TMEM117: variants seen among roughly 807,000 people sequenced by gnomAD.
The protein encoded by TMEM117 is transmembrane protein 117.
In TMEM117, 27 loss-of-function variants were observed where a neutral mutation model predicts 52.4. The ratio of observed to expected loss-of-function variants is 0.51; its 90% CI spans 0.38 to 0.71. The LOEUF (loss-of-function observed/expected upper bound fraction) is 0.71. Ranked by LOEUF, TMEM117 falls within the 30% of genes least tolerant of loss-of-function variation. The pLI is 0.00. For synonymous variants in TMEM117, 215 were observed against 206.3 expected (o/e 1.04, Z -0.36); for missense variants, 556 against 630.5 (o/e 0.88, Z 1.26).
intron 2 of TMEM117, among the ~76,000 whole-genome samples, chr12:43,897,630 C>T (rs1399821343): frequency 2.0e-5 from 3 of 151,884 alleles, no homozygotes; most frequent in Non-Finnish European, 4.4e-5. Flanking sequence ...TTTTTAGAGA[C>T]AGAGTCTTGC....
the TMEM117 span, chr12:43,804,636 T>C: frequency 1.5e-5 from 17 of 1,141,868 alleles, no homozygotes; most frequent in African/African-American, 3.2e-5. Flanking sequence ...CCTATCTATA[T>C]TGGAAAAGTT....
At chr12:43,929,439 C>T (rs960689372) in intron 2 of TMEM117, among the ~76,000 whole-genome samples, 6 of 152,034 alleles carry the variant, frequency 3.9e-5, no homozygotes, top group Admixed American at 6.6e-5. Flanking sequence ...TTCCAAGAAC[C>T]TTATAGCACT....
chr12:44,165,561 C>T (rs1948954967), intron 4 of TMEM117, among the ~76,000 whole-genome samples: 1 of 152,118 alleles, frequency 6.6e-6, no homozygotes, highest in Non-Finnish European at 1.5e-5. Context: ...GAAAACTAAA[C>T]ACTGACGGGA....
intron 1 of TMEM117, 62 bp from the exon 2 acceptor site, chr12:43,844,562 T>TA (rs1296238516): frequency 4.8e-5 from 68 of 1,414,862 alleles, no homozygotes; most frequent in Non-Finnish European, 1.2e-5. Flanking sequence ...CCTGAACTGA[T>TA]AAAAAGAAGA....
intron 3 of TMEM117, among the ~76,000 whole-genome samples, chr12:43,950,475 G>A (rs570093787): frequency 4.6e-5 from 7 of 151,950 alleles, no homozygotes; most frequent in Middle Eastern, 3.4e-3. Context: ...AATGACTGAA[G>A]TTTCATACTC....
intron 6 of TMEM117, among the ~76,000 whole-genome samples, chr12:44,317,460 T>C (rs2138689469): frequency 6.6e-6 from 1 of 152,154 alleles, no homozygotes; most frequent in Non-Finnish European, 1.5e-5. Context: ...AATGGCGCAA[T>C]CTCAGCTTAC....
intron 2 of TMEM117, among the ~76,000 whole-genome samples, chr12:43,890,656 C>G (rs939678944): frequency 6.6e-6 from 1 of 152,038 alleles, no homozygotes; most frequent in Non-Finnish European, 1.5e-5. Context: ...CTCAGCCTCC[C>G]GAGTAACTGG....
At chr12:43,982,131 A>G (rs1448937337) in intron 3 of TMEM117, among the ~76,000 whole-genome samples, 3 of 152,234 alleles carry the variant, frequency 2.0e-5, no homozygotes, top group African/African-American at 7.2e-5. Flanking sequence ...GTAAATATGT[A>G]GAATTACAAT....
At chr12:44,173,219 G>T (rs1359083285) in intron 4 of TMEM117, among the ~76,000 whole-genome samples, 1 of 152,172 alleles carries the variant, frequency 6.6e-6, no homozygotes, top group Non-Finnish European at 1.5e-5. Flanking sequence ...GGGACCACAG[G>T]TGTGTGCCAG....
At chr12:44,106,318 G>A (rs1167401449) in intron 3 of TMEM117, among the ~76,000 whole-genome samples, 1 of 151,974 alleles carries the variant, frequency 6.6e-6, no homozygotes, top group Non-Finnish European at 1.5e-5. Context: ...ATGAAAGCAG[G>A]CAGTTTTCAA....
At chr12:44,280,908 A>G (rs1950569207) in intron 5 of TMEM117, among the ~76,000 whole-genome samples, 1 of 152,202 alleles carries the variant, frequency 6.6e-6, no homozygotes, top group Non-Finnish European at 1.5e-5. Context: ...TGCCTTTAAA[A>G]TGCCGACAAT....
intron 6 of TMEM117, among the ~76,000 whole-genome samples, chr12:44,368,237 C>G (rs1468887089): frequency 1.3e-5 from 2 of 152,116 alleles, no homozygotes; most frequent in Non-Finnish European, 1.5e-5. Context: ...CTCCATCCCC[C>G]TTCTCTGCTT....
At chr12:44,115,722 C>A (rs1055388356) in intron 3 of TMEM117, among the ~76,000 whole-genome samples, 1 of 152,160 alleles carries the variant, frequency 6.6e-6, no homozygotes, top group African/African-American at 2.4e-5. Context: ...TTGATCAACT[C>A]ATTCATTTAC....
At chr12:44,084,341 C>T (rs1477737345) in intron 3 of TMEM117, among the ~76,000 whole-genome samples, 1 of 152,022 alleles carries the variant, frequency 6.6e-6, no homozygotes, top group Non-Finnish European at 1.5e-5. Context: ...CTACCTAAGC[C>T]ATTACTACCA....
At chr12:43,997,840 C>T (rs1458002184) in intron 3 of TMEM117, among the ~76,000 whole-genome samples, 1 of 152,158 alleles carries the variant, frequency 6.6e-6, no homozygotes, top group African/African-American at 2.4e-5. Context: ...GGAAACTGAG[C>T]CTCAGAGAGC....
At chr12:43,890,071 G>T (rs190022126) in intron 2 of TMEM117, among the ~76,000 whole-genome samples, 1 of 152,256 alleles carries the variant, frequency 6.6e-6, no homozygotes, top group East Asian at 1.9e-4. Flanking sequence ...CCAGCAGCTT[G>T]GAAAATCAGT....
Position 44,126,254 on chromosome 12 carries a change from A to G in TMEM117, c.411-17271A>G, listed in dbSNP as rs528388674. ...GAATGCATGTACACAGATTTTTGAA[A>G]CTGTTAGATTTTTGCAGTTTCTCTA... On this transcript the variant is annotated intron_variant, in intron 3 of 7. Coordinates refer to ENST00000266534, the MANE Select transcript of TMEM117 (RefSeq NM_032256.3). Among the ~76,000 whole-genome samples, 12 of 152,242 alleles carry G rather than the reference A, an allele frequency of 7.9e-5. No homozygotes were observed. The East Asian group carries it at 2.1e-3, about 27-fold the overall frequency.
rs147186370 is a variant in TMEM117, at chr12:43,888,543, CT to C, written c.277+43637del. On this transcript the variant is annotated intron_variant, in intron 2 of 7. Coordinates refer to ENST00000266534, the MANE Select transcript of TMEM117 (RefSeq NM_032256.3). ...GTGTACTTTTGTGCACATTAGTTTT[CT>C]TTTTTTTTTTTTTTTTTTTTTGAGA... Among the ~76,000 whole-genome samples the C allele has an allele frequency of 3.4e-4, 31 of 92,178 alleles. 1 individual carries two copies. Among genetic ancestry groups the C allele is most frequent in the African/African-American group, 1.0e-3 (27 of 26,332 alleles). The allele number at this position is 92,178 out of a possible 152,430, so 60.5% of individuals were successfully genotyped here.
At position 44,316,054 on chromosome 12, in the gene TMEM117, T is replaced by TA. The variant is rs575358917; in HGVS notation, c.768+16315_768+16316insA. Among the ~76,000 whole-genome samples, 30 of 152,266 alleles carry TA rather than the reference T, an allele frequency of 2.0e-4. No individual in the cohort carries two copies. In the East Asian group the frequency reaches 5.4e-3, roughly 27 times the overall value. ...TCTCTGTGTCTTCTTAGTGAAGCAT[T>TA]TAGACTATTTTCACTCAAGGTTAAT... On this transcript the variant is annotated intron_variant, in intron 6 of 7. Coordinates refer to ENST00000266534, the MANE Select transcript of TMEM117 (RefSeq NM_032256.3).
Sources: gnomAD v4.1 joint callset for allele counts (sites outside exome capture counted in the v4.1 genomes callset) on GRCh38, gnomAD v4.1.1 for gene constraint, MANE v1.5 for transcripts, NCBI Gene and HGNC (gene_info 2026-07-23, HGNC 2026-07-21) for gene names.